GTF3C4: variants seen among roughly 807,000 people sequenced by gnomAD.
GTF3C4 encodes general transcription factor 3C polypeptide 4.
GTF3C4 carries 28 observed loss-of-function variants against 67.5 expected under a neutral mutation model. The observed-to-expected ratio is 0.41, with a 90% CI of 0.31 to 0.57. GTF3C4 has a LOEUF of 0.57. Ranked by LOEUF, GTF3C4 falls within the 20% of genes least tolerant of loss-of-function variation. The pLI, the probability that GTF3C4 is intolerant of heterozygous loss-of-function variation, is 0.21. For synonymous variants in GTF3C4, 409 were observed against 393.0 expected, an observed-to-expected ratio of 1.04 and a Z score of -0.48; for missense variants, 831 against 1,033.2, an observed-to-expected ratio of 0.80 and a Z score of 2.68.
chr9:132,687,854 A>G (rs1278463758), intron 4 of GTF3C4, among the ~76,000 whole-genome samples: 1 of 152,202 alleles, frequency 6.6e-6, no homozygotes, highest in Non-Finnish European at 1.5e-5. Context: ...GTGGGCAGGA[A>G]TTAGTGATTT....
rs1399928880 is a variant in GTF3C4 at position 132,670,858 on chromosome 9, C to G, written c.260C>G (p.Ala87Gly). 1 of 1,611,944 alleles carries G rather than the reference C, an allele frequency of 6.2e-7. No individual in the cohort carries two copies. Among genetic ancestry groups the G allele is most frequent in the Non-Finnish European group, 8.5e-7 (1 of 1,179,866 alleles). ...TCTGTGTCCACGGCCCGCAGCATCG[C>G]TGTGCTGGAGCTCATCTGCGACGTG... Reference protein sequence around the residue: ...RVSVSTARSIAVLELICDVHN... With the variant: ...RVSVSTARSIGVLELICDVHN... The change falls in exon 1 of 5, where the codon GCT becomes GGT. Residue 87 changes from alanine (A) to glycine (G), a missense_variant. Coordinates refer to ENST00000372146, the MANE Select transcript of GTF3C4 (RefSeq NM_012204.4).
chr9:132,670,985 T>C, intron 1 of GTF3C4, 30 bp downstream of exon 1: 2 of 1,450,564 alleles, frequency 1.4e-6, no homozygotes, highest in South Asian at 1.1e-5. Context: ...CCCTGGGGTC[T>C]TCCCCTGTCC....
intron 4 of GTF3C4, among the ~76,000 whole-genome samples, chr9:132,688,331 A>C (rs1836061803): frequency 6.6e-6 from 1 of 152,218 alleles, no homozygotes; most frequent in Admixed American, 6.5e-5. Flanking sequence ...GAAATCTGGA[A>C]GAGATTGAAA....
intron 1 of GTF3C4, among the ~76,000 whole-genome samples, chr9:132,676,448 A>G (rs1835866381): frequency 6.6e-6 from 1 of 150,476 alleles, no homozygotes; most frequent in Non-Finnish European, 1.5e-5. Flanking sequence ...CCTCCCAAGT[A>G]GCTGGGGTTA....
chr9:132,681,230 A>G (rs1369548080), intron 2 of GTF3C4, among the ~76,000 whole-genome samples: 1 of 152,212 alleles, frequency 6.6e-6, no homozygotes, highest in Non-Finnish European at 1.5e-5. Context: ...TAGCAAAAAC[A>G]TGTTAGAAAG....
chr9:132,673,906 T>C (rs947649010), intron 1 of GTF3C4, among the ~76,000 whole-genome samples: 1 of 152,218 alleles, frequency 6.6e-6, no homozygotes, highest in African/African-American at 2.4e-5. Flanking sequence ...CAGAATTGTT[T>C]TTCCCATTGG....
chr9:132,686,815 C>T (rs928648591), intron 3 of GTF3C4, among the ~76,000 whole-genome samples: 2 of 152,188 alleles, frequency 1.3e-5, no homozygotes, highest in Non-Finnish European at 2.9e-5. Context: ...GCAGAAGGAT[C>T]ACTTGAGCTC....
upstream of GTF3C4, chr9:132,670,114 C>A: frequency 6.3e-7 from 1 of 1,578,234 alleles, no homozygotes; most frequent in Non-Finnish European, 8.6e-7. Context: ...CGGGTAGGGA[C>A]AAGACTACCG....
chr9:132,684,159 T>C (rs1349557348), intron 3 of GTF3C4, among the ~76,000 whole-genome samples: 2 of 152,206 alleles, frequency 1.3e-5, no homozygotes, highest in Non-Finnish European at 2.9e-5. Flanking sequence ...GCTGTCTGTC[T>C]TTCTGCCTGT....
At position 132,678,318 on chromosome 9, in the gene GTF3C4, C is replaced by T. The variant is rs577171341; in HGVS notation, c.699C>T (p.Leu233=). Residue 233 remains leucine (L), a synonymous_variant, in exon 2 of 5, where the codon CTC becomes CTT. Transcript: ENST00000372146. The surrounding 1 kb of genome is among the most constrained non-coding windows in gnomAD (Gnocchi z 6.5). ...LSKNEAPEGN[L]GDFAEFQRRH... The stretch of plus-strand genomic sequence containing the variant: ...AAAATGAGGCCCCGGAAGGAAATCT[C>T]GGGGATTTTGCTGAGTTTCAGAGGA... The T allele has an allele frequency of 1.1e-4, 183 of 1,614,162 alleles. 2 individuals are homozygous for T. The South Asian group carries it at 1.7e-3, about 15-fold the overall frequency.
At chr9:132,686,544 C>A (rs1836031445) in intron 3 of GTF3C4, among the ~76,000 whole-genome samples, 1 of 152,176 alleles carries the variant, frequency 6.6e-6, no homozygotes, top group Non-Finnish European at 1.5e-5. Context: ...CAGATGTACC[C>A]TTTCCCATCT....
At chr9:132,673,012 G>A (rs548630800) in intron 1 of GTF3C4, among the ~76,000 whole-genome samples, 1 of 152,116 alleles carries the variant, frequency 6.6e-6, no homozygotes, top group East Asian at 1.9e-4. Flanking sequence ...GTGAAACCCC[G>A]TTTCTACTAA....
Position 132,679,688 on chromosome 9 carries a change from G to A in GTF3C4, c.2069G>A (p.Arg690Gln), listed in dbSNP as rs1835913335. ...EMHLTREHMK[R>Q]VLGEVYLHTW... Reference sequence around the variant, plus strand: ...CACTTGACCAGGGAACACATGAAGCGAGTCTTAGGAGAAGTGTATCTGCAC... The same window carrying A: ...CACTTGACCAGGGAACACATGAAGCAAGTCTTAGGAGAAGTGTATCTGCAC... Residue 690 changes from arginine (R) to glutamine (Q), a missense_variant, in exon 2 of 5, where the codon CGA (arginine) becomes CAA (glutamine). By Grantham distance (43) the Arg-to-Gln change is conservative (BLOSUM62 1). Coordinates refer to ENST00000372146, the MANE Select transcript of GTF3C4 (RefSeq NM_012204.4). This position sits in a 1 kb window ranked among gnomAD's most constrained non-coding sequence, Gnocchi z 5.9. The A allele has an allele frequency of 1.2e-6, 2 of 1,614,130 alleles. No individual in the cohort carries two copies. The highest frequency in any genetic ancestry group is 1.3e-5 in the African/African-American group (1 of 75,010).
chr9:132,683,692 C>CGGT lies in GTF3C4; in HGVS notation c.2315_2315+2dup. ...CTGTTCCAATGGCCACATTTGGCTC[C>CGGT]GGTAAGCCATTTTAAAAGTTTCTAC... On this transcript the variant is annotated inframe_insertion and splice_region_variant, in exon 3 of 5. Transcript: ENST00000372146. 6.2e-7 allele frequency: 1 copy of CGGT among 1,604,546 alleles called. No homozygotes were observed. Among genetic ancestry groups the CGGT allele is most frequent in the Non-Finnish European group, 8.5e-7 (1 of 1,177,454 alleles).
upstream of GTF3C4, chr9:132,670,344 C>T: frequency 7.0e-7 from 1 of 1,418,654 alleles, no homozygotes. Context: ...GGCTCTGGAG[C>T]TCAATCCCTG....
chr9:132,683,476 T>A, intron 2 of GTF3C4, 87 bp from the exon 3 acceptor site: 2 of 1,213,930 alleles, frequency 1.6e-6, no homozygotes, highest in South Asian at 2.8e-5. Context: ...TTTCTTTATT[T>A]TTTAATTTTC....
chr9:132,670,665 G>A lies in GTF3C4; in HGVS notation c.67G>A (p.Glu23Lys). 6.7e-7 allele frequency: 1 copy of A among 1,503,250 alleles called. No homozygotes were observed. Among genetic ancestry groups the A allele is most frequent in the South Asian group, 1.3e-5 (1 of 78,404 alleles). 93.1% of individuals were successfully genotyped at this position (1,503,250 alleles called of 1,614,324 possible). Residue 23 changes from glutamate (E) to lysine (K), a missense_variant, in exon 1 of 5, where the codon GAG becomes AAG. This residue lies in a region of GTF3C4 where 237 missense variants were observed against 212.7 expected (regional missense o/e 1.11). Transcript: ENST00000372146. ...CGGGCCTGCGCCGTCTGGGGAGGAG[G>A]AGGGAGAGGGGGGCGGCGAGGCGGG... ...DDGPAPSGEE[E>K]GEGGGEAGGK... is the part of the protein sequence containing the mutation.
intron 2 of GTF3C4, among the ~76,000 whole-genome samples, chr9:132,680,059 G>A (rs143141395): frequency 4.3e-4 from 66 of 152,306 alleles, no homozygotes; most frequent in African/African-American, 1.4e-3. Flanking sequence ...GAGCTTTCCA[G>A]ACTGGATTAG....
At position 132,690,046 on chromosome 9, in the gene GTF3C4, G is replaced by T. The variant is rs1836090352; in HGVS notation, c.*1101G>T. On this transcript the variant is annotated 3_prime_UTR_variant, in exon 5 of 5. Coordinates refer to ENST00000372146, the MANE Select transcript of GTF3C4 (RefSeq NM_012204.4). ...GATGTCTCAGATGGGGCTGGGCTTG[G>T]TGGCTCATGCCTGTACTCTCAACAC... The T allele has an allele frequency of 6.6e-6, 1 of 152,328 alleles. No individual in the cohort carries two copies. The highest frequency in any genetic ancestry group is 6.5e-5 in the Admixed American group (1 of 15,278). 9.4% of individuals were successfully genotyped at this position (152,328 alleles called of 1,614,324 possible).
Sources: gnomAD v4.1 joint callset for allele counts (sites outside exome capture counted in the v4.1 genomes callset) on GRCh38, gnomAD v4.1.1 for gene constraint, gnomAD v4.1.1 regional missense constraint, Gnocchi (gnomAD v3.1) non-coding constraint, MANE v1.5 for transcripts, NCBI Gene and HGNC (gene_info 2026-07-23, HGNC 2026-07-21) for gene names.